Variants in CSMD2 observed in about 807,000 individuals in gnomAD.
The protein encoded by CSMD2 is CUB and sushi domain-containing protein 2.
In CSMD2, 130 loss-of-function variants were observed where a neutral mutation model predicts 398.5. The observed-to-expected ratio is 0.33, with a 90% CI of 0.28 to 0.38. The LOEUF is 0.38. CSMD2 is among the 10% of genes least tolerant of loss of function. The probability of loss-of-function intolerance (pLI) is 1.00; values close to 1 mark genes in which losing one functional copy is unlikely to be tolerated. For missense variants in CSMD2, 3,829 were observed against 4,764.9 expected (o/e 0.80, Z 5.78); for synonymous variants, 1,828 against 1,908.5 (o/e 0.96, Z 1.10).
Position 33,567,733 on chromosome 1 carries a change from T to C in CSMD2, c.8240A>G (p.Asn2747Ser), listed in dbSNP as rs1255383359. Residue 2747 changes from asparagine to serine, a missense_variant, in exon 53 of 71, where the codon AAC becomes AGC. Around this residue, in one of 5 missense-constraint regions of CSMD2, gnomAD observed 917 missense variants for 1,199.5 expected, o/e 0.76. Coordinates refer to ENST00000373381, the MANE Select transcript of CSMD2 (RefSeq NM_001281956.2). ...GHCGTPEPIV[N>S]GHINGENYSY... is the part of the protein sequence containing the mutation. ...GTAGTTCTCCCCATTGATGTGTCCG[T>C]TGACAATGGGCTCAGGAGTCCCACA... is the stretch of plus-strand genomic sequence containing the variant. 7 of 1,613,990 alleles carry C rather than the reference T, an allele frequency of 4.3e-6. No individual in the cohort carries two copies. Among genetic ancestry groups the C allele is most frequent in the Non-Finnish European group, 5.9e-6 (7 of 1,180,030 alleles).
chr1:34,028,517 C>T (rs918714622), intron 3 of CSMD2, among the ~76,000 whole-genome samples: 10 of 152,290 alleles, frequency 6.6e-5, no homozygotes, highest in Non-Finnish European at 1.2e-4. Context: ...GAAGTTCCCA[C>T]ATCCTCCCCT....
At chr1:33,931,233 G>A (rs1346107673) in intron 4 of CSMD2, among the ~76,000 whole-genome samples, 1 of 152,200 alleles carries the variant, frequency 6.6e-6, no homozygotes, top group Admixed American at 6.5e-5. Context: ...AGTTCTACAC[G>A]AGAGGAAGAA....
At chr1:33,587,702 C>G (rs1186512652) in intron 44 of CSMD2, among the ~76,000 whole-genome samples, 1 of 152,208 alleles carries the variant, frequency 6.6e-6, no homozygotes, top group Non-Finnish European at 1.5e-5. Flanking sequence ...AGTCAGCTGA[C>G]AAGCTGACCC....
At chr1:33,522,561 A>G (rs1654409589) in intron 67 of CSMD2, among the ~76,000 whole-genome samples, 3 of 152,200 alleles carry the variant, frequency 2.0e-5, no homozygotes, top group African/African-American at 7.2e-5. Context: ...ATGTGTTTAT[A>G]AAGCAAAGTC....
At chr1:33,999,911 A>G (rs886313082) in intron 3 of CSMD2, among the ~76,000 whole-genome samples, 37 of 152,232 alleles carry the variant, frequency 2.4e-4, no homozygotes, top group African/African-American at 8.7e-4. Context: ...GGAATTCTGT[A>G]TAACTATTAA....
intron 5 of CSMD2, among the ~76,000 whole-genome samples, chr1:33,897,392 C>T (rs1642460342): frequency 6.6e-6 from 1 of 152,224 alleles, no homozygotes; most frequent in Non-Finnish European, 1.5e-5. Flanking sequence ...TCAATTTCCT[C>T]ATCTGTGGAA....
intron 1 of CSMD2, among the ~76,000 whole-genome samples, chr1:34,158,282 G>A (rs1640989692): frequency 6.6e-6 from 1 of 152,172 alleles, no homozygotes; most frequent in Admixed American, 6.5e-5. Flanking sequence ...CAGAGTCTTT[G>A]TAAGCATAAA....
chr1:33,842,045 A>G (rs547091803), intron 6 of CSMD2, among the ~76,000 whole-genome samples: 1 of 152,182 alleles, frequency 6.6e-6, no homozygotes, highest in African/African-American at 2.4e-5. Context: ...CTGACATCCC[A>G]ACATTACCCA....
At chr1:33,541,425 T>C in intron 58 of CSMD2, 116 bp from the exon 59 acceptor site, 1 of 784,036 alleles carries the variant, frequency 1.3e-6, no homozygotes, top group Non-Finnish European at 2.1e-6. Context: ...AGATCAGGGA[T>C]GCCCTGTCTC....
At chr1:33,585,099 T>C (rs755414034) in intron 46 of CSMD2, among the ~76,000 whole-genome samples, 11 of 151,982 alleles carry the variant, frequency 7.2e-5, no homozygotes, top group Admixed American at 5.9e-4. Flanking sequence ...TAAATCAACT[T>C]CTTCAGTACA....
intron 2 of CSMD2, among the ~76,000 whole-genome samples, chr1:34,056,601 A>T (rs996924501): frequency 6.6e-6 from 1 of 152,178 alleles, no homozygotes; most frequent in Non-Finnish European, 1.5e-5. Flanking sequence ...TACCTTACAG[A>T]GTGTTGAGAG....
chr1:33,692,702 CTG>C (rs1172490159), intron 25 of CSMD2, among the ~76,000 whole-genome samples: 4 of 152,212 alleles, frequency 2.6e-5, no homozygotes, highest in African/African-American at 9.6e-5. Flanking sequence ...TCTGCTGTAA[CTG>C]TGCTATCTGG....
rs542591653 is a variant in CSMD2 at position 33,685,614 on chromosome 1, C to T, written c.4052+7316G>A. ...ACACAGCCTTATTTGCCCACATGCACGCAGCTCCAGCCACGTCAAGTGAGT... is the reference window on the plus strand; with the variant it reads ...ACACAGCCTTATTTGCCCACATGCATGCAGCTCCAGCCACGTCAAGTGAGT... On this transcript the variant is annotated intron_variant, in intron 25 of 70. Coordinates refer to ENST00000373381, the MANE Select transcript of CSMD2 (RefSeq NM_001281956.2). 9.8e-5 allele frequency among the ~76,000 whole-genome samples: 15 copies of T among 152,322 alleles called. No homozygotes were observed. The South Asian group carries it at 2.7e-3, about 27-fold the overall frequency.
intron 1 of CSMD2, among the ~76,000 whole-genome samples, chr1:34,155,564 C>G (rs993255013): frequency 2.0e-5 from 3 of 152,104 alleles, no homozygotes; most frequent in Non-Finnish European, 4.4e-5. Context: ...CTTGTTTCTT[C>G]CCTTTTGAGT....
chr1:33,693,218 T>A (rs999503434), intron 24 of CSMD2, among the ~76,000 whole-genome samples, 162 bp from the exon 25 acceptor site: 3 of 152,112 alleles, frequency 2.0e-5, no homozygotes, highest in Non-Finnish European at 4.4e-5. Flanking sequence ...GAGACTTATA[T>A]CCAGAACCTA....
At chr1:33,536,193 T>C (rs1225556335) in intron 62 of CSMD2, among the ~76,000 whole-genome samples, 1 of 152,210 alleles carries the variant, frequency 6.6e-6, no homozygotes, top group Non-Finnish European at 1.5e-5. Flanking sequence ...CTAATTGTCC[T>C]GCCTTGAACA....
chr1:33,678,647 T>A (rs1013365298), intron 25 of CSMD2, among the ~76,000 whole-genome samples: 1 of 151,990 alleles, frequency 6.6e-6, no homozygotes, highest in Non-Finnish European at 1.5e-5. Context: ...AAATAATACT[T>A]GTTTTATCAA....
Position 33,668,947 on chromosome 1 carries a change from T to C in CSMD2, c.4053-5855A>G, listed in dbSNP as rs79960065. Among the ~76,000 whole-genome samples the C allele has an allele frequency of 8.2e-3, 1,244 of 151,972 alleles. 32 individuals are homozygous for C. The highest frequency in any genetic ancestry group is 0.074 in the East Asian group (382 of 5,178). On this transcript the variant is annotated intron_variant, in intron 25 of 70. Coordinates refer to ENST00000373381, the MANE Select transcript of CSMD2 (RefSeq NM_001281956.2). Reference sequence around the variant, plus strand: ...AATATGTGCAATAGGTGCTAAAGAGTGGAATAAATAAGATGCTATCAAAAT... The same window carrying C: ...AATATGTGCAATAGGTGCTAAAGAGCGGAATAAATAAGATGCTATCAAAAT...
At chr1:34,098,416 TA>T (rs1366394298) in intron 1 of CSMD2, among the ~76,000 whole-genome samples, 2 of 137,164 alleles carry the variant, frequency 1.5e-5, no homozygotes, top group South Asian at 2.3e-4. Flanking sequence ...AGTATAATAA[TA>T]AAAAAATAAA....
Sources: allele counts gnomAD v4.1 joint callset (sites outside exome capture counted in the v4.1 genomes callset), GRCh38; gene constraint gnomAD v4.1.1; regional missense constraint gnomAD v4.1.1; transcripts MANE v1.5; gene names NCBI Gene and HGNC (gene_info 2026-07-23, HGNC 2026-07-21).